NSG1: variants seen among roughly 807,000 people sequenced by gnomAD.
The protein encoded by NSG1 is neuronal vesicle trafficking associated 1, also known as neuronal vesicle trafficking-associated protein 1.
Under a neutral mutation model 19.3 loss-of-function variants are expected in NSG1, and 9 were observed. The observed-to-expected ratio is 0.47, with a 90% CI of 0.28 to 0.81. The LOEUF is 0.81. Ranked by LOEUF, NSG1 falls within the 40% of genes least tolerant of loss-of-function variation. The probability of loss-of-function intolerance (pLI) is 0.11; values close to 1 mark genes in which losing one functional copy is unlikely to be tolerated. For missense variants in NSG1, 236 were observed against 242.4 expected (o/e 0.97, Z 0.18); for synonymous variants, 104 against 107.0 (o/e 0.97, Z 0.17).
At position 4,391,481 on chromosome 4, in the gene NSG1, G is replaced by C; in HGVS notation, c.136G>C (p.Val46Leu). The C allele has an allele frequency of 1.2e-6, 2 of 1,606,216 alleles. No individual in the cohort carries two copies. Among genetic ancestry groups the C allele is most frequent in the Non-Finnish European group, 1.7e-6 (2 of 1,176,160 alleles). ...TCTCTGTTTCCTGGATAAGGTGGTC[G>C]TGAAAACTAAGACCGAGTATGAACC... ...LQFPPPDKVV[V>L]KTKTEYEPDR... is the part of the protein sequence containing the mutation. Residue 46 changes from valine to leucine, a missense_variant, in exon 3 of 5, where the codon GTG becomes CTG. By Grantham distance (32) the Val-to-Leu change is conservative. Coordinates refer to ENST00000621129, the MANE Select transcript of NSG1 (RefSeq NM_014392.5).
intron 1 of NSG1, 38 bp from the exon 2 acceptor site, chr4:4,387,566 C>A: frequency 4.4e-6 from 2 of 458,490 alleles, no homozygotes; most frequent in Non-Finnish European, 8.3e-6. Context: ...CGCCCCGGGT[C>A]TTGCTTGTGG....
At chr4:4,416,763 C>T (rs1724569958) in intron 4 of NSG1, among the ~76,000 whole-genome samples, 1 of 152,144 alleles carries the variant, frequency 6.6e-6, no homozygotes, top group Non-Finnish European at 1.5e-5. Flanking sequence ...CCCCAAGGCC[C>T]CTCTCTGCTC....
At chr4:4,416,001 T>C (rs780817493) in intron 4 of NSG1, 69 of 674,064 alleles carry the variant, frequency 1.0e-4, no homozygotes, top group Middle Eastern at 7.3e-4. Flanking sequence ...AAGACGCTGT[T>C]GATAAAAGGG....
chr4:4,416,208 A>G, intron 4 of NSG1: 2 of 702,258 alleles, frequency 2.8e-6, no homozygotes, highest in Non-Finnish European at 5.2e-6. Flanking sequence ...CTCAGCTGGT[A>G]CGGTGGGCCT....
At chr4:4,392,080 A>G (rs554382353) in intron 3 of NSG1, among the ~76,000 whole-genome samples, 3 of 151,858 alleles carry the variant, frequency 2.0e-5, no homozygotes, top group Non-Finnish European at 4.4e-5. Flanking sequence ...TGAGGCACAG[A>G]GTGGTCACAG....
At chr4:4,396,784 T>C (rs1723273187) in intron 3 of NSG1, among the ~76,000 whole-genome samples, 2 of 151,952 alleles carry the variant, frequency 1.3e-5, no homozygotes, top group Non-Finnish European at 1.5e-5. Context: ...AGTAAGCCCC[T>C]GGTGTGTTTC....
At chr4:4,395,046 C>G (rs934756141) in intron 3 of NSG1, among the ~76,000 whole-genome samples, 2 of 152,202 alleles carry the variant, frequency 1.3e-5, no homozygotes, top group Non-Finnish European at 2.9e-5. Context: ...CTAGCTTGCC[C>G]AGGAAGCCTG....
chr4:4,393,622 G>T (rs1723104619), intron 3 of NSG1, among the ~76,000 whole-genome samples: 1 of 152,222 alleles, frequency 6.6e-6, no homozygotes. Flanking sequence ...TAAGTCTGCT[G>T]GGTGTGTTCC....
chr4:4,406,582 G>A (rs1424119174), intron 3 of NSG1, among the ~76,000 whole-genome samples: 3 of 152,164 alleles, frequency 2.0e-5, no homozygotes, highest in South Asian at 2.1e-4. Flanking sequence ...TTGAGAGCCC[G>A]CTCTGCTGTC....
chr4:4,402,368 G>GTTTTTTTTTTTT lies in NSG1; in HGVS notation c.247-7203_247-7202insTTTTTTTTTTTT, dbSNP rs1560143233. 3.6e-4 allele frequency among the ~76,000 whole-genome samples: 36 copies of GTTTTTTTTTTTT among 99,634 alleles called. 1 individual carries two copies. The highest frequency in any genetic ancestry group is 1.5e-3 in the African/African-American group (35 of 24,090). The allele number at this position is 99,634 out of a possible 152,430, so 65.4% of individuals were successfully genotyped here. On this transcript the variant is annotated intron_variant, in intron 3 of 4. Coordinates refer to ENST00000621129, the MANE Select transcript of NSG1 (RefSeq NM_014392.5). Reference sequence around the variant, plus strand: ...TTATAGACACGCAGCACCACGCCTGGTTATTTTTTTTTTTTTTTTTTTTTT... The same window carrying GTTTTTTTTTTTT: ...TTATAGACACGCAGCACCACGCCTGGTTTTTTTTTTTTTTATTTTTTTTTTTTTTTTTTTTTT...
rs569817365 is a variant in NSG1 at position 4,389,396 on chromosome 4, C to T, written c.129+1638C>T. ...TCGGGTCCAGCCAGACCTTCCATCC[C>T]GGACTTCCCGCCGGGACTGAGTGTG... On this transcript the variant is annotated intron_variant, in intron 2 of 4. Transcript: ENST00000621129. Among the ~76,000 whole-genome samples the T allele has an allele frequency of 6.6e-5, 10 of 152,312 alleles. No individual in the cohort carries two copies. The East Asian group carries it at 1.5e-3, about 23-fold the overall frequency.
At chr4:4,395,370 C>T (rs865855650) in intron 3 of NSG1, among the ~76,000 whole-genome samples, 3 of 152,288 alleles carry the variant, frequency 2.0e-5, no homozygotes, top group Non-Finnish European at 2.9e-5. Flanking sequence ...CATTCCAGCA[C>T]AGAAGCTGGG....
intron 3 of NSG1, among the ~76,000 whole-genome samples, chr4:4,408,171 A>T (rs971241436): frequency 6.6e-6 from 1 of 152,048 alleles, no homozygotes; most frequent in African/African-American, 2.4e-5. Flanking sequence ...TGGAGGGTCT[A>T]CCCAGTTGAG....
intron 3 of NSG1, among the ~76,000 whole-genome samples, chr4:4,393,488 T>C (rs1723098346): frequency 6.6e-6 from 1 of 152,232 alleles, no homozygotes; most frequent in Admixed American, 6.5e-5. Flanking sequence ...TGGGTGATTA[T>C]GCTCATCCCA....
rs1436367455 is a variant in NSG1, at chr4:4,387,504, C to T, written c.-26-100C>T. On this transcript the variant is annotated intron_variant, in intron 1 of 4. Transcript: ENST00000621129. ...CCCGAGACGAAGCGGGGCCGGGGAG[C>T]TCGCGGACGCCGGGACGCCGGTGGG... The T allele has an allele frequency of 5.2e-6, 4 of 771,436 alleles. No individual in the cohort carries two copies. In the African/African-American group the frequency reaches 7.2e-5, roughly 14 times the overall value. The allele number at this position is 771,436 out of a possible 1,614,324, so 47.8% of individuals were successfully genotyped here.
At chr4:4,387,561 C>CCGGGGGGGGGGT in intron 1 of NSG1, 43 bp from the exon 2 acceptor site, 1 of 1,141,992 alleles carries the variant, frequency 8.8e-7, no homozygotes, top group East Asian at 2.7e-5. Flanking sequence ...CGCCCCGCCC[C>CCGGGGGGGGGGT]GGGTCTTGCT....
At position 4,417,454 on chromosome 4, in the gene NSG1, T is replaced by A; in HGVS notation, c.*19T>A. ...AGCTTAGCGGGATGGGCAAGTTCCTTACAATGTGTCACTTGCAAATAACAA... is the reference window on the plus strand; with the variant it reads ...AGCTTAGCGGGATGGGCAAGTTCCTAACAATGTGTCACTTGCAAATAACAA... On this transcript the variant is annotated 3_prime_UTR_variant, in exon 5 of 5. Coordinates refer to ENST00000621129, the MANE Select transcript of NSG1 (RefSeq NM_014392.5). 1 of 1,609,674 alleles carries A rather than the reference T, an allele frequency of 6.2e-7. No homozygotes were observed. Among genetic ancestry groups the A allele is most frequent in the Non-Finnish European group, 8.5e-7 (1 of 1,175,982 alleles).
chr4:4,412,346 T>C (rs551097179), intron 4 of NSG1, among the ~76,000 whole-genome samples: 1 of 151,498 alleles, frequency 6.6e-6, no homozygotes, highest in Admixed American at 6.6e-5. Context: ...GCGGCCACAA[T>C]GGAAGGGGCC....
chr4:4,412,980 G>A (rs990838204), intron 4 of NSG1, among the ~76,000 whole-genome samples: 1 of 152,238 alleles, frequency 6.6e-6, no homozygotes, highest in African/African-American at 2.4e-5. Flanking sequence ...TGGAATTCAC[G>A]TTGTCCAGCC....
Sources: gnomAD v4.1 joint callset for allele counts (sites outside exome capture counted in the v4.1 genomes callset) on GRCh38, gnomAD v4.1.1 for gene constraint, MANE v1.5 for transcripts, NCBI Gene and HGNC (gene_info 2026-07-23, HGNC 2026-07-21) for gene names.